Variants in GREB1L observed in about 807,000 individuals in gnomAD.
The protein encoded by GREB1L is GREB1 like retinoic acid receptor coactivator, also known as GREB1-like protein.
In GREB1L, 17 loss-of-function variants were observed where a neutral mutation model predicts 200.8. The ratio of observed to expected loss-of-function variants is 0.08; its 90% CI spans 0.06 to 0.13. The LOEUF is 0.13. GREB1L is among the 10% of genes least tolerant of loss of function. The pLI, the probability that GREB1L is intolerant of heterozygous loss-of-function variation, is 1.00. For missense variants in GREB1L, 1,657 were observed against 2,367.7 expected, an observed-to-expected ratio of 0.70 and a Z score of 6.23; for synonymous variants, 789 against 893.0, an observed-to-expected ratio of 0.88 and a Z score of 2.08.
Position 21,518,225 on chromosome 18 carries a change from T to C in GREB1L, c.5463T>C (p.Ile1821=), listed in dbSNP as rs1176287993. 3.2e-6 allele frequency: 5 copies of C among 1,551,522 alleles called. No homozygotes were observed. Among genetic ancestry groups the C allele is most frequent in the Middle Eastern group, 1.7e-4 (1 of 6,014 alleles). The change falls in exon 31 of 33, where the codon ATT becomes ATC. Residue 1821 remains isoleucine (I), a synonymous_variant. Transcript: ENST00000424526. ...TGGCCATTGACTGCTACCTTAACATTGGACCAGAGGTAAAAAGGGTGTGGG... is the reference window on the plus strand; with the variant it reads ...TGGCCATTGACTGCTACCTTAACATCGGACCAGAGGTAAAAAGGGTGTGGG... ...PVLAIDCYLN[I]GPEVAICYIS...
chr18:21,297,124 C>G (rs1475639566), intron 1 of GREB1L, among the ~76,000 whole-genome samples: 1 of 152,104 alleles, frequency 6.6e-6, no homozygotes, highest in Admixed American at 6.5e-5. Context: ...AATGTCAGGC[C>G]CCATTCCCAG....
At chr18:21,374,397 G>A (rs1387331238) in intron 2 of GREB1L, among the ~76,000 whole-genome samples, 1 of 152,114 alleles carries the variant, frequency 6.6e-6, no homozygotes, top group East Asian at 1.9e-4. Flanking sequence ...GTCATACCTT[G>A]AAAAAATCTT....
At chr18:21,388,268 TGAA>T (rs1278256605) in intron 4 of GREB1L, among the ~76,000 whole-genome samples, 2 of 152,178 alleles carry the variant, frequency 1.3e-5, no homozygotes, top group Non-Finnish European at 2.9e-5. Context: ...ATTTTATTTT[TGAA>T]GAACAGCTTT....
chr18:21,262,891 A>G (rs760223642), intron 1 of GREB1L, among the ~76,000 whole-genome samples: 8 of 152,226 alleles, frequency 5.3e-5, no homozygotes, highest in Non-Finnish European at 1.0e-4. Flanking sequence ...ACTTCATGCC[A>G]TGCCTAAGAA....
intron 2 of GREB1L, among the ~76,000 whole-genome samples, chr18:21,371,836 T>G (rs2039887994): frequency 6.6e-6 from 1 of 152,074 alleles, no homozygotes; most frequent in Admixed American, 6.5e-5. Context: ...TCTGCACTTT[T>G]TTTCTGTGCC....
intron 1 of GREB1L, among the ~76,000 whole-genome samples, chr18:21,333,879 G>A (rs1598666954): frequency 6.6e-6 from 1 of 151,878 alleles, no homozygotes; most frequent in African/African-American, 2.4e-5. Context: ...CTACTTGGGA[G>A]ACTAAGGTGG....
In GREB1L at chr18:21,384,877, G is replaced by A. The variant is rs2040474829; in HGVS notation, c.355+474G>A. Among the ~76,000 whole-genome samples, 3 of 138,886 alleles carry A rather than the reference G, an allele frequency of 2.2e-5. No individual in the cohort carries two copies. In the South Asian group the frequency reaches 6.9e-4, roughly 32 times the overall value. 91.1% of individuals were successfully genotyped at this position (138,886 alleles called of 152,430 possible). A position where few individuals can be genotyped will look rare whatever the true frequency, so the allele number is the denominator to read the frequency against. On this transcript the variant is annotated intron_variant, in intron 4 of 32. Transcript: ENST00000424526. The stretch of plus-strand genomic sequence containing the variant: ...ATTTTGAACACTCATCCGATATAGA[G>A]GATTAAAATATTTTATACATATTAT...
chr18:21,357,370 T>A (rs1383321883), intron 1 of GREB1L, among the ~76,000 whole-genome samples: 1 of 152,214 alleles, frequency 6.6e-6, no homozygotes, highest in African/African-American at 2.4e-5. Context: ...TTATTTATAG[T>A]TTGGATTTTA....
In GREB1L at chr18:21,401,149, G is replaced by T; in HGVS notation, c.533-1G>T. 1 of 1,551,208 alleles carries T rather than the reference G, an allele frequency of 6.4e-7. No homozygotes were observed. The highest frequency in any genetic ancestry group is 1.2e-5 in the South Asian group (1 of 84,030). On this transcript the variant is annotated splice_acceptor_variant, in intron 5 of 32. Coordinates refer to ENST00000424526, the MANE Select transcript of GREB1L (RefSeq NM_001142966.3). LOFTEE classifies it high-confidence loss of function. ...AGTAACATTGGTTTTCCTGACTTCA[G>T]GGTTTTCTGGAAATTGTATCGGCTG... is the stretch of plus-strand genomic sequence containing the variant.
chr18:21,369,387 T>C (rs1348931805), intron 2 of GREB1L, among the ~76,000 whole-genome samples: 1 of 152,202 alleles, frequency 6.6e-6, no homozygotes, highest in Non-Finnish European at 1.5e-5. Context: ...ATTGTTTTGC[T>C]TCTTTGATCT....
chr18:21,341,775 G>T (rs1228083345), intron 1 of GREB1L, among the ~76,000 whole-genome samples: 1 of 152,142 alleles, frequency 6.6e-6, no homozygotes, highest in African/African-American at 2.4e-5. Context: ...GAACACAAAT[G>T]AAGTCAAAGC....
intron 7 of GREB1L, among the ~76,000 whole-genome samples, chr18:21,428,385 G>A (rs1367326347): frequency 2.7e-5 from 3 of 111,730 alleles, no homozygotes; most frequent in African/African-American, 9.3e-5. Context: ...ACTGGAAGTA[G>A]TGGTTTTTTT....
chr18:21,521,044 A>G (rs1341648998), intron 32 of GREB1L, among the ~76,000 whole-genome samples: 2 of 152,060 alleles, frequency 1.3e-5, no homozygotes, highest in African/African-American at 4.8e-5. Flanking sequence ...AAATACAACA[A>G]AAATTAGCCA....
intron 1 of GREB1L, chr18:21,316,965 G>C (rs901959676): frequency 6.6e-6 from 1 of 152,022 alleles, no homozygotes; most frequent in African/African-American, 2.4e-5. Flanking sequence ...GTTTCGTTGT[G>C]TTGGCCAGCT....
chr18:21,347,424 A>G (rs78147856), intron 1 of GREB1L, among the ~76,000 whole-genome samples: 3,743 of 148,322 alleles, frequency 0.025, 160 homozygotes, highest in African/African-American at 0.087. Context: ...CTCCTTCTCC[A>G]TCTTCTTTGC....
intron 16 of GREB1L, among the ~76,000 whole-genome samples, chr18:21,474,036 CGTG>C (rs1195080370): frequency 6.6e-6 from 1 of 152,194 alleles, no homozygotes; most frequent in East Asian, 1.9e-4. Context: ...TCCCACAACA[CGTG>C]GGAATTATGG....
chr18:21,312,180 A>G (rs556368088), intron 1 of GREB1L, among the ~76,000 whole-genome samples: 9 of 152,310 alleles, frequency 5.9e-5, no homozygotes, highest in South Asian at 2.1e-4. Flanking sequence ...GCTGCATGGT[A>G]TTCCATGGTG....
chr18:21,503,042 T>C (rs967361954), intron 23 of GREB1L, among the ~76,000 whole-genome samples: 3 of 152,176 alleles, frequency 2.0e-5, no homozygotes, highest in Non-Finnish European at 4.4e-5. Context: ...TAAACTAGGC[T>C]TGAAAGTGCA....
chr18:21,368,584 T>A (rs556207686), intron 2 of GREB1L, among the ~76,000 whole-genome samples: 19 of 152,336 alleles, frequency 1.2e-4, no homozygotes, highest in African/African-American at 4.6e-4. Flanking sequence ...CTTTGCAGGT[T>A]AAATAATTCA....
Sources: gnomAD v4.1 joint callset for allele counts (sites outside exome capture counted in the v4.1 genomes callset) on GRCh38, gnomAD v4.1.1 for gene constraint, MANE v1.5 for transcripts, NCBI Gene and HGNC (gene_info 2026-07-23, HGNC 2026-07-21) for gene names.